Variants in SEPTIN14 observed in about 807,000 individuals in gnomAD.
The protein encoded by SEPTIN14 is septin-14.
A neutral mutation model predicts 53.6 loss-of-function variants in SEPTIN14; 40 were observed. The ratio of observed to expected loss-of-function variants is 0.75; its 90% confidence interval spans 0.58 to 0.97. The LOEUF is 0.97. Ranked by LOEUF, SEPTIN14 falls within the 50% of genes least tolerant of loss-of-function variation. The pLI is 0.00. For synonymous variants in SEPTIN14, 138 were observed against 166.8 expected, an observed-to-expected ratio of 0.83 and a Z score of 1.33; for missense variants, 471 against 508.2, an observed-to-expected ratio of 0.93 and a Z score of 0.70.
At chr7:55,803,412 A>C (rs1479361171) in intron 9 of SEPTIN14, among the ~76,000 whole-genome samples, 1 of 152,228 alleles carries the variant, frequency 6.6e-6, no homozygotes, top group Non-Finnish European at 1.5e-5. Flanking sequence ...TAGAAAGATA[A>C]GTATTTACAA....
At chr7:55,844,494 T>A (rs1669884237) in intron 4 of SEPTIN14, 29 bp downstream of exon 4, 4 of 1,336,562 alleles carry the variant, frequency 3.0e-6, no homozygotes, top group Non-Finnish European at 4.0e-6. Flanking sequence ...TAAGAAAACC[T>A]TTTTTAATTT....
At chr7:55,853,497 TAG>T (rs1789554259) in intron 2 of SEPTIN14, among the ~76,000 whole-genome samples, 2 of 152,016 alleles carry the variant, frequency 1.3e-5, no homozygotes, top group South Asian at 4.2e-4. Context: ...CTCATAGAGA[TAG>T]AGAGTGGAAG....
intron 4 of SEPTIN14, among the ~76,000 whole-genome samples, chr7:55,843,776 G>A (rs1349222299): frequency 6.6e-6 from 1 of 152,178 alleles, no homozygotes; most frequent in Non-Finnish European, 1.5e-5. Flanking sequence ...AGCTTACAGT[G>A]AGCCGAGATC....
rs1267476678 is a variant in SEPTIN14 at position 55,793,762 on chromosome 7, T to G, written c.*2151A>C. On this transcript the variant is annotated 3_prime_UTR_variant, in exon 10 of 10. Transcript: ENST00000388975. Reference sequence around the variant, plus strand: ...AATGTTATAACTCCAGGATGTTATATGTAATTTTCATAGTAACCAAAAACG... The same window carrying G: ...AATGTTATAACTCCAGGATGTTATAGGTAATTTTCATAGTAACCAAAAACG... The G allele has an allele frequency of 6.6e-6, 1 of 152,096 alleles. No homozygotes were observed. Among genetic ancestry groups the G allele is most frequent in the Non-Finnish European group, 1.5e-5 (1 of 67,990 alleles). The allele number at this position is 152,096 out of a possible 1,614,324, so 9.4% of individuals were successfully genotyped here.
intron 4 of SEPTIN14, 41 bp downstream of exon 4, chr7:55,844,482 A>G: frequency 8.3e-7 from 1 of 1,208,724 alleles, no homozygotes; most frequent in Non-Finnish European, 1.1e-6. Flanking sequence ...AATTCCTTGA[A>G]ATAAGAAAAC....
intron 2 of SEPTIN14, among the ~76,000 whole-genome samples, chr7:55,856,824 A>G (rs1789636403): frequency 6.6e-6 from 1 of 151,876 alleles, no homozygotes; most frequent in Non-Finnish European, 1.5e-5. Flanking sequence ...CATAATCCCA[A>G]CACTTCAGGA....
intron 7 of SEPTIN14, among the ~76,000 whole-genome samples, chr7:55,814,203 A>T (rs1220170417): frequency 6.6e-6 from 1 of 152,168 alleles, no homozygotes; most frequent in African/African-American, 2.4e-5. Context: ...TTCCCTTTGA[A>T]TACTTAGAAA....
intron 3 of SEPTIN14, among the ~76,000 whole-genome samples, chr7:55,845,367 AC>A (rs1347623600): frequency 2.0e-5 from 3 of 150,488 alleles, no homozygotes. Flanking sequence ...ATGGAATACT[AC>A]ACAGCCATGA....
chr7:55,846,161 A>C (rs185771167), intron 3 of SEPTIN14, among the ~76,000 whole-genome samples: 4 of 147,776 alleles, frequency 2.7e-5, no homozygotes, highest in East Asian at 4.0e-4. Context: ...ACTAAGCTAC[A>C]TCAGACTTTT....
At chr7:55,831,074 A>T (rs141137485) in intron 6 of SEPTIN14, among the ~76,000 whole-genome samples, 2,679 of 152,298 alleles carry the variant, frequency 0.018, 25 homozygotes, top group Middle Eastern at 0.041. Context: ...CCTAAATATC[A>T]TATGGAACCA....
At chr7:55,811,496 CTTTTTTTTTTTT>C (rs1170803437) in intron 7 of SEPTIN14, 1 of 180,232 alleles carries the variant, frequency 5.5e-6, no homozygotes, top group South Asian at 5.5e-5. Context: ...TTTTACAGTT[CTTTTTTTTTTTT>C]TTTTTTTTTT....
intron 7 of SEPTIN14, among the ~76,000 whole-genome samples, chr7:55,815,167 T>G (rs1584255880): frequency 1.3e-5 from 2 of 152,172 alleles, no homozygotes; most frequent in Non-Finnish European, 2.9e-5. Context: ...GACTTAAATC[T>G]AAGACCTCAA....
chr7:55,810,860 C>A, intron 7 of SEPTIN14: 2 of 307,986 alleles, frequency 6.5e-6, no homozygotes, highest in South Asian at 6.1e-5. Context: ...ACCTGGGTGT[C>A]AGGCCTGGAG....
chr7:55,816,372 A>G (rs952276988), intron 7 of SEPTIN14, among the ~76,000 whole-genome samples: 2 of 152,320 alleles, frequency 1.3e-5, no homozygotes, highest in African/African-American at 4.8e-5. Flanking sequence ...TTGTGACACA[A>G]AGAAAGGATA....
intron 6 of SEPTIN14, among the ~76,000 whole-genome samples, chr7:55,826,100 C>CAA (rs756995660): frequency 3.3e-5 from 4 of 120,324 alleles, no homozygotes; most frequent in African/African-American, 6.2e-5. Context: ...GACTCCGTCT[C>CAA]AAAAAAAAAA....
intron 9 of SEPTIN14, among the ~76,000 whole-genome samples, chr7:55,799,088 G>A (rs1478488519): frequency 6.6e-6 from 1 of 152,114 alleles, no homozygotes; most frequent in African/African-American, 2.4e-5. Context: ...AAAGTAAATA[G>A]ATTAAGCCCA....
chr7:55,841,490 C>T (rs569660437), intron 5 of SEPTIN14, among the ~76,000 whole-genome samples: 238 of 151,930 alleles, frequency 1.6e-3, no homozygotes, highest in Middle Eastern at 6.8e-3. Context: ...GAGGCTGAGG[C>T]GGGCAGATCA....
At chr7:55,842,478 C>T (rs1384396030) in intron 5 of SEPTIN14, among the ~76,000 whole-genome samples, 1 of 151,932 alleles carries the variant, frequency 6.6e-6, no homozygotes, top group Non-Finnish European at 1.5e-5. Context: ...TGGTAGCACA[C>T]TCCTGTCCCA....
Position 55,795,897 on chromosome 7 carries a change from A to G in SEPTIN14, c.*16T>C, listed in dbSNP as rs1201271091. ...GATGTAGAATGATAGGGCTCTCAGA[A>G]TAGTAAGAGAAACTATTATTTCTTA... is the stretch of plus-strand genomic sequence containing the variant. On this transcript the variant is annotated 3_prime_UTR_variant, in exon 10 of 10. Coordinates refer to ENST00000388975, the MANE Select transcript of SEPTIN14 (RefSeq NM_207366.3). The G allele has an allele frequency of 2.6e-6, 4 of 1,567,664 alleles. No homozygotes were observed. Among genetic ancestry groups the G allele is most frequent in the Middle Eastern group, 2.3e-4 (1 of 4,382 alleles).
Sources: gnomAD v4.1 joint callset for allele counts (sites outside exome capture counted in the v4.1 genomes callset) on GRCh38, gnomAD v4.1.1 for gene constraint, MANE v1.5 for transcripts, NCBI Gene and HGNC (gene_info 2026-07-23, HGNC 2026-07-21) for gene names.